Variants in EYA4 observed in about 807,000 individuals in gnomAD.
EYA4 encodes EYA transcriptional coactivator and phosphatase 4, also known as protein phosphatase EYA4.
In EYA4, 31 loss-of-function variants were observed where a neutral mutation model predicts 87.9. The ratio of observed to expected loss-of-function variants is 0.35; its 90% CI spans 0.27 to 0.48. The LOEUF is 0.48. Among genes scored for constraint, EYA4 ranks in the 20% least tolerant of loss-of-function variants. The pLI is 0.99. For missense variants in EYA4, 678 were observed against 761.4 expected, an observed-to-expected ratio of 0.89 and a Z score of 1.29; for synonymous variants, 263 against 270.6, an observed-to-expected ratio of 0.97 and a Z score of 0.28.
chr6:133,316,527 A>G (rs1204945321), intron 2 of EYA4, among the ~76,000 whole-genome samples: 3 of 152,200 alleles, frequency 2.0e-5, no homozygotes, highest in Non-Finnish European at 4.4e-5. Context: ...TAGAAAATTA[A>G]TACTGAAGCA....
intron 2 of EYA4, among the ~76,000 whole-genome samples, chr6:133,371,326 C>T (rs1031032269): frequency 3.3e-5 from 5 of 152,182 alleles, no homozygotes; most frequent in Middle Eastern, 3.4e-3. Flanking sequence ...GTTTGGTTTA[C>T]GGGGTCTACT....
chr6:133,485,204 A>C (rs1380820424), intron 13 of EYA4, among the ~76,000 whole-genome samples: 1 of 152,206 alleles, frequency 6.6e-6, no homozygotes, highest in Non-Finnish European at 1.5e-5. Flanking sequence ...TCATTTCAAC[A>C]CACAAGTTTT....
intron 3 of EYA4, 132 bp from the exon 4 acceptor site, chr6:133,446,498 G>C (rs1792857876): frequency 5.2e-6 from 5 of 969,150 alleles, no homozygotes; most frequent in South Asian, 1.3e-5. Context: ...ATGTTCATCT[G>C]GTTGACTAAG....
chr6:133,401,838 T>C lies in EYA4; in HGVS notation c.83+19397T>C, dbSNP rs565037927. On this transcript the variant is annotated intron_variant, in intron 3 of 19. Transcript: ENST00000355286. ...TGTGGCACAATCCAGGGCTCACCCC[T>C]CTCAGGATCATTAGCATTAGATTGA... Among the ~76,000 whole-genome samples, 21 of 152,302 alleles carry C rather than the reference T, an allele frequency of 1.4e-4. No homozygotes were observed. The East Asian group carries it at 4.0e-3, about 29-fold the overall frequency.
chr6:133,316,277 A>G (rs1562281207), intron 2 of EYA4, among the ~76,000 whole-genome samples: 1 of 152,204 alleles, frequency 6.6e-6, no homozygotes, highest in Non-Finnish European at 1.5e-5. Context: ...AGAAAAAAAA[A>G]TAAGCTGCAT....
intron 2 of EYA4, among the ~76,000 whole-genome samples, chr6:133,313,447 C>A (rs1780386863): frequency 6.6e-6 from 1 of 152,172 alleles, no homozygotes; most frequent in Admixed American, 6.6e-5. Flanking sequence ...GGGGAAAAAT[C>A]ATTTAGATGG....
intron 2 of EYA4, among the ~76,000 whole-genome samples, chr6:133,334,480 G>A (rs1456308870): frequency 6.6e-6 from 1 of 152,146 alleles, no homozygotes; most frequent in Non-Finnish European, 1.5e-5. Flanking sequence ...TGTTCTTGAG[G>A]GATATCTGGA....
chr6:133,425,359 A>G (rs6917488), intron 3 of EYA4, among the ~76,000 whole-genome samples: 7,231 of 150,352 alleles, frequency 0.048, 1,012 homozygotes, highest in African/African-American at 0.17. Flanking sequence ...CACCTAAGAA[A>G]TTAAAGTGCA....
At chr6:133,463,064 C>T (rs1794537477) in intron 9 of EYA4, among the ~76,000 whole-genome samples, 1 of 152,184 alleles carries the variant, frequency 6.6e-6, no homozygotes, top group Admixed American at 6.6e-5. Flanking sequence ...TTGGCGTCTA[C>T]TTAAGCAATT....
chr6:133,525,919 T>C, intron 19 of EYA4: 1 of 985,364 alleles, frequency 1.0e-6, no homozygotes, highest in Middle Eastern at 5.2e-4. Context: ...TCACATCTCC[T>C]AGAAGAGTTT....
At chr6:133,519,220 A>G (rs1298780289) in intron 17 of EYA4, among the ~76,000 whole-genome samples, 1 of 150,720 alleles carries the variant, frequency 6.6e-6, no homozygotes, top group Non-Finnish European at 1.5e-5. Flanking sequence ...TGGTTTTTTG[A>G]AAGGATCAAC....
chr6:133,372,961 A>G (rs980044769), intron 2 of EYA4, among the ~76,000 whole-genome samples: 10 of 152,040 alleles, frequency 6.6e-5, no homozygotes, highest in African/African-American at 2.4e-4. Flanking sequence ...AGGCATATAT[A>G]TGTACTTATA....
intron 1 of EYA4, chr6:133,247,727 A>G (rs939271983): frequency 2.6e-5 from 4 of 151,912 alleles, no homozygotes; most frequent in Admixed American, 1.3e-4. Context: ...TGATATGCCC[A>G]GTAGAGAAAT....
intron 3 of EYA4, among the ~76,000 whole-genome samples, chr6:133,431,141 G>C (rs555523113): frequency 1.3e-5 from 2 of 152,254 alleles, no homozygotes; most frequent in East Asian, 3.9e-4. Flanking sequence ...TTGGGGCTCT[G>C]TGAGTGAGGG....
intron 2 of EYA4, among the ~76,000 whole-genome samples, chr6:133,368,752 A>C (rs1363663874): frequency 6.6e-6 from 1 of 152,138 alleles, no homozygotes; most frequent in East Asian, 1.9e-4. Context: ...TGGGCTGACC[A>C]TGTGCTGCAG....
At chr6:133,527,048 C>T (rs1000702776) in intron 19 of EYA4, among the ~76,000 whole-genome samples, 4 of 152,172 alleles carry the variant, frequency 2.6e-5, no homozygotes, top group African/African-American at 7.2e-5. Flanking sequence ...CCTAAAACTT[C>T]AGGAGGGAAA....
At chr6:133,383,591 A>G (rs749641427) in intron 3 of EYA4, among the ~76,000 whole-genome samples, 2 of 144,936 alleles carry the variant, frequency 1.4e-5, no homozygotes, top group Non-Finnish European at 3.0e-5. Flanking sequence ...AGTGTATCTT[A>G]TGTATAGTCC....
intron 17 of EYA4, among the ~76,000 whole-genome samples, chr6:133,518,235 C>G (rs1799772302): frequency 6.6e-6 from 1 of 151,272 alleles, no homozygotes; most frequent in South Asian, 2.1e-4. Context: ...ATTATATATA[C>G]TATATAATAT....
At chr6:133,246,652 A>C (rs762651996) in intron 1 of EYA4, among the ~76,000 whole-genome samples, 1 of 152,150 alleles carries the variant, frequency 6.6e-6, no homozygotes, top group African/African-American at 2.4e-5. Flanking sequence ...GTGTATTTTT[A>C]AATAAAAGTG....
Sources: gnomAD v4.1 joint callset for allele counts (sites outside exome capture counted in the v4.1 genomes callset) on GRCh38, gnomAD v4.1.1 for gene constraint, MANE v1.5 for transcripts, NCBI Gene and HGNC (gene_info 2026-07-23, HGNC 2026-07-21) for gene names.